ERC2: variants seen among roughly 807,000 people sequenced by gnomAD.
ERC2 encodes ERC protein 2.
Under a neutral mutation model 114.8 loss-of-function variants are expected in ERC2, and 42 were observed. The observed-to-expected ratio is 0.37, with a 90% confidence interval of 0.29 to 0.47. ERC2 has a LOEUF of 0.47. Among genes scored for constraint, ERC2 ranks in the 20% least tolerant of loss-of-function variants. The probability of loss-of-function intolerance (pLI) is 0.99; values close to 1 mark genes in which losing one functional copy is unlikely to be tolerated. For missense variants in ERC2, 939 were observed against 1,150.7 expected, an observed-to-expected ratio of 0.82 and a Z score of 2.66; for synonymous variants, 454 against 425.5, an observed-to-expected ratio of 1.07 and a Z score of -0.82.
intron 8 of ERC2, among the ~76,000 whole-genome samples, chr3:56,013,084 C>T (rs2073064221): frequency 6.6e-6 from 1 of 152,154 alleles, no homozygotes; most frequent in African/African-American, 2.4e-5. Flanking sequence ...CAGTGGGTTC[C>T]ATCTCTTGAG....
At chr3:56,176,619 G>A (rs919118041) in intron 3 of ERC2, among the ~76,000 whole-genome samples, 1 of 152,048 alleles carries the variant, frequency 6.6e-6, no homozygotes, top group Non-Finnish European at 1.5e-5. Context: ...TTTCAATCCT[G>A]ACTTCATAGA....
At chr3:56,446,207 G>A (rs142756371) in intron 1 of ERC2, among the ~76,000 whole-genome samples, 248 of 152,326 alleles carry the variant, frequency 1.6e-3, no homozygotes, top group African/African-American at 5.5e-3. Flanking sequence ...TTCAGAGTAA[G>A]TGAGATCTAT....
At chr3:56,405,718 T>G (rs2060692406) in intron 2 of ERC2, among the ~76,000 whole-genome samples, 1 of 152,118 alleles carries the variant, frequency 6.6e-6, no homozygotes, top group Admixed American at 6.5e-5. Context: ...AATGTCTGGA[T>G]GCTATCTCAT....
chr3:55,762,270 A>G (rs2067495631), intron 14 of ERC2, among the ~76,000 whole-genome samples: 2 of 152,142 alleles, frequency 1.3e-5, no homozygotes. Flanking sequence ...GACTATTCTA[A>G]ACATTTGAAG....
chr3:56,209,480 C>T (rs1390560387), intron 3 of ERC2, among the ~76,000 whole-genome samples: 1 of 152,172 alleles, frequency 6.6e-6, no homozygotes, highest in Admixed American at 6.5e-5. Flanking sequence ...AGACTGTAAG[C>T]TCCATGAGGG....
chr3:56,025,632 C>A (rs1250537564), intron 7 of ERC2, among the ~76,000 whole-genome samples: 1 of 152,210 alleles, frequency 6.6e-6, no homozygotes, highest in Non-Finnish European at 1.5e-5. Flanking sequence ...TTCCCTGTCT[C>A]TGACCTCTAG....
intron 17 of ERC2, among the ~76,000 whole-genome samples, chr3:55,629,944 C>A (rs1022399080): frequency 6.6e-6 from 1 of 152,022 alleles, no homozygotes; most frequent in Non-Finnish European, 1.5e-5. Context: ...AGAGGTCCTG[C>A]GTGGCAATAA....
intron 17 of ERC2, among the ~76,000 whole-genome samples, chr3:55,629,996 A>G (rs1217884560): frequency 1.3e-5 from 2 of 152,168 alleles, no homozygotes; most frequent in East Asian, 1.9e-4. Flanking sequence ...AAAGTGGGGT[A>G]CCATGAATTT....
At chr3:56,248,346 G>A (rs759881346) in intron 3 of ERC2, among the ~76,000 whole-genome samples, 1 of 151,886 alleles carries the variant, frequency 6.6e-6, no homozygotes. Flanking sequence ...CTCCTGCCTC[G>A]GCCTCCCAAA....
At chr3:56,014,827 C>T (rs924211099) in intron 8 of ERC2, among the ~76,000 whole-genome samples, 2 of 152,024 alleles carry the variant, frequency 1.3e-5, no homozygotes, top group African/African-American at 2.4e-5. Flanking sequence ...GCTAAATGAA[C>T]ACATAAGCAG....
intron 16 of ERC2, 81 bp from the exon 17 acceptor site, chr3:55,683,940 G>C (rs1416238102): frequency 1.4e-6 from 2 of 1,478,012 alleles, no homozygotes; most frequent in Non-Finnish European, 9.3e-7. Flanking sequence ...GTTACACCGA[G>C]ATGCACTGGA....
intron 10 of ERC2, among the ~76,000 whole-genome samples, chr3:55,992,517 T>G (rs893597784): frequency 6.6e-6 from 1 of 152,232 alleles, no homozygotes; most frequent in African/African-American, 2.4e-5. Context: ...ACTTTTAGCT[T>G]TTCTTTCCAC....
chr3:56,370,781 G>A (rs981271391), intron 2 of ERC2, among the ~76,000 whole-genome samples: 5 of 152,052 alleles, frequency 3.3e-5, no homozygotes, highest in Non-Finnish European at 5.9e-5. Context: ...GTTTAGTAGA[G>A]AAGGGGTTTC....
intron 2 of ERC2, among the ~76,000 whole-genome samples, chr3:56,348,519 T>C (rs955774184): frequency 1.2e-5 from 1 of 86,246 alleles, no homozygotes; most frequent in Non-Finnish European, 3.0e-5. Flanking sequence ...ATTTTATATA[T>C]ACTACAATAT....
chr3:56,093,117 A>G (rs2077882369), intron 6 of ERC2, among the ~76,000 whole-genome samples: 1 of 152,200 alleles, frequency 6.6e-6, no homozygotes, highest in Non-Finnish European at 1.5e-5. Context: ...CATGTTTTAG[A>G]GTCGTGTCTC....
intron 3 of ERC2, among the ~76,000 whole-genome samples, chr3:56,248,666 C>T (rs1188551471): frequency 6.6e-6 from 1 of 152,226 alleles, no homozygotes; most frequent in Non-Finnish European, 1.5e-5. Flanking sequence ...CTACATGCTT[C>T]TTTCCAATAA....
intron 15 of ERC2, among the ~76,000 whole-genome samples, chr3:55,702,610 G>C (rs1225404821): frequency 6.6e-6 from 1 of 151,922 alleles, no homozygotes; most frequent in South Asian, 2.1e-4. Context: ...ACATAGACAA[G>C]GGTCTGGAAG....
At chr3:55,603,574 G>A (rs1335126506) in intron 17 of ERC2, among the ~76,000 whole-genome samples, 3 of 151,156 alleles carry the variant, frequency 2.0e-5, no homozygotes, top group African/African-American at 7.3e-5. Flanking sequence ...CTGCAAGCAG[G>A]TGGAGCTTGC....
chr3:55,634,020 T>G (rs1006459940), intron 17 of ERC2, among the ~76,000 whole-genome samples: 4 of 152,108 alleles, frequency 2.6e-5, no homozygotes, highest in South Asian at 2.1e-4. Context: ...AGCAGCCCCT[T>G]CAGATGTGGT....
Sources: allele counts gnomAD v4.1 joint callset (sites outside exome capture counted in the v4.1 genomes callset), GRCh38; gene constraint gnomAD v4.1.1; transcripts MANE v1.5; gene names NCBI Gene and HGNC (gene_info 2026-07-23, HGNC 2026-07-21).